The following NUTM2G variants were observed in gnomAD, a reference collection of about 807,000 sequenced individuals.
NUTM2G encodes family with sequence similarity 22, member G.
NUTM2G carries 29 observed loss-of-function variants against 44.3 expected under a neutral mutation model. The ratio of observed to expected loss-of-function variants is 0.66; its 90% CI spans 0.49 to 0.89. The LOEUF (loss-of-function observed/expected upper bound fraction) is 0.89, where lower values mean the gene tolerates loss of function less well. NUTM2G is among the 40% of genes least tolerant of loss of function. The pLI is 0.00. For missense variants in NUTM2G, 502 were observed against 946.5 expected (o/e 0.53, Z 6.16); for synonymous variants, 205 against 395.9 (o/e 0.52, Z 5.72).
At chr9:96,929,735 C>T (rs201430891) in intron 1 of NUTM2G, among the ~76,000 whole-genome samples, 5,320 of 151,544 alleles carry the variant, frequency 0.035, 272 homozygotes, top group East Asian at 0.32. Context: ...GAATTGTTTG[C>T]CCTTTGGTGG....
intron 3 of NUTM2G, among the ~76,000 whole-genome samples, 197 bp downstream of exon 3, chr9:96,935,653 G>A (rs1265511731): frequency 2.0e-5 from 3 of 152,182 alleles, no homozygotes; most frequent in African/African-American, 7.2e-5. Flanking sequence ...CGCCCTCTTG[G>A]GAAGCACCCC....
chr9:96,930,894 TTTTTTTTTTTTTTTTTTTG>T (rs1826223104), intron 1 of NUTM2G, among the ~76,000 whole-genome samples: 12 of 83,612 alleles, frequency 1.4e-4, no homozygotes, highest in African/African-American at 6.6e-4. Context: ...TTTTTTTTTT[TTTTTTTTTTTTTTTTTTTG>T]AGACGGAGTC....
At chr9:96,936,317 C>G in intron 3 of NUTM2G, 108 bp from the exon 4 acceptor site, 1 of 1,530,580 alleles carries the variant, frequency 6.5e-7, no homozygotes, top group South Asian at 1.2e-5. Flanking sequence ...AGGGCCTAGA[C>G]AGCCCGCCGG....
chr9:96,932,501 A>C (rs1272293312), intron 2 of NUTM2G, 83 bp downstream of exon 2: 42 of 1,195,888 alleles, frequency 3.5e-5, no homozygotes, highest in Non-Finnish European at 5.1e-5. Context: ...CACACTGTTC[A>C]GGGGAGCTTG....
At chr9:96,936,830 G>A (rs1184981674) in intron 4 of NUTM2G, among the ~76,000 whole-genome samples, 1 of 152,226 alleles carries the variant, frequency 6.6e-6, no homozygotes, top group African/African-American at 2.4e-5. Context: ...GCTCTGCCCA[G>A]GAAGCAGAGA....
rs1007650918 is a variant in NUTM2G at position 96,938,868 on chromosome 9, C to A, written c.1945C>A (p.Leu649Ile). 6.4e-7 allele frequency: 1 copy of A among 1,565,896 alleles called. No individual in the cohort carries two copies. The highest frequency in any genetic ancestry group is 8.6e-7 in the Non-Finnish European group (1 of 1,163,162). ...CCAGAGCCCTGTCCCTTCCTCGGGC[C>A]TTCTCAGCCCAGGAGGGAGAGGACC... is the stretch of plus-strand genomic sequence containing the variant. ...LSQSPVPSSG[L>I]LSPGGRGPQG... is the part of the protein sequence containing the mutation. The change falls in exon 7 of 7, where the codon CTT (leucine) becomes ATT (isoleucine). Residue 649 changes from leucine (L) to isoleucine (I), a missense_variant. Coordinates refer to ENST00000372322, the MANE Select transcript of NUTM2G (RefSeq NM_001170741.3).
chr9:96,937,562 GTGTT>G (rs989031227), intron 5 of NUTM2G, among the ~76,000 whole-genome samples, 158 bp downstream of exon 5: 5 of 151,826 alleles, frequency 3.3e-5, no homozygotes, highest in Admixed American at 6.6e-5. Context: ...GTGTTGCTGT[GTGTT>G]TGTGTCTGTG....
In NUTM2G at chr9:96,931,708, C is replaced by A. The variant is rs890243869; in HGVS notation, c.17-14C>A. 1.2e-6 allele frequency: 2 copies of A among 1,611,330 alleles called. No homozygotes were observed. The highest frequency in any genetic ancestry group is 1.7e-6 in the Non-Finnish European group (2 of 1,179,716). ...AGACGCCAGCTCATTCACCTCTTTC[C>A]TTTGTCTCCACAGCATACCCAGTGC... On this transcript the variant is annotated splice_polypyrimidine_tract_variant and intron_variant, in intron 1 of 6. Coordinates refer to ENST00000372322, the MANE Select transcript of NUTM2G (RefSeq NM_001170741.3).
At chr9:96,942,548 T>C (rs1826620536), downstream of NUTM2G, 1 of 105,602 alleles carries the variant, frequency 9.5e-6, no homozygotes, top group South Asian at 3.7e-4. Context: ...GTCTGCACAC[T>C]TGTGCCCTTT....
At chr9:96,933,274 G>A (rs867396272) in intron 2 of NUTM2G, among the ~76,000 whole-genome samples, 3 of 150,818 alleles carry the variant, frequency 2.0e-5, no homozygotes, top group Middle Eastern at 3.3e-3. Context: ...CACCGTGCCC[G>A]GCTTTTACTT....
At chr9:96,935,542 G>C in intron 3 of NUTM2G, 86 bp downstream of exon 3, 1 of 1,610,516 alleles carries the variant, frequency 6.2e-7, no homozygotes, top group Non-Finnish European at 8.5e-7. Context: ...GCTTCTCAGC[G>C]TGGAGCATGA....
At chr9:96,929,132 G>A (rs1237540596) in intron 1 of NUTM2G, 92 bp downstream of exon 1, 3 of 1,575,864 alleles carry the variant, frequency 1.9e-6, no homozygotes, top group Non-Finnish European at 2.6e-6. Context: ...ACAGCTTATA[G>A]GGCTGATGTT....
chr9:96,930,989 G>A (rs1270613040), intron 1 of NUTM2G, among the ~76,000 whole-genome samples: 2 of 142,132 alleles, frequency 1.4e-5, no homozygotes, highest in Non-Finnish European at 3.0e-5. Context: ...CTGCCTCCTC[G>A]GTTCAAGCAA....
Position 96,931,902 on chromosome 9 carries a change from C to A in NUTM2G, c.197C>A (p.Ala66Glu), listed in dbSNP as rs553399635. The change falls in exon 2 of 7, where the codon GCA (alanine) becomes GAA (glutamate). Residue 66 changes from alanine to glutamate, a missense_variant. Coordinates refer to ENST00000372322, the MANE Select transcript of NUTM2G (RefSeq NM_001170741.3). ...GCCTTCCCCAGCACCCCTCTAGTGG[C>A]AGGACAGGATGGCCGCGGCCCAAGT... is the stretch of plus-strand genomic sequence containing the variant. ...LSAFPSTPLVAGQDGRGPSGA... is the reference protein window; with the variant it reads ...LSAFPSTPLVEGQDGRGPSGA... 6.2e-6 allele frequency: 10 copies of A among 1,612,272 alleles called. No individual in the cohort carries two copies. The East Asian group carries it at 2.0e-4, about 32-fold the overall frequency.
downstream of NUTM2G, among the ~76,000 whole-genome samples, chr9:96,940,614 A>C (rs1311969373): frequency 5.9e-5 from 9 of 151,762 alleles, no homozygotes; most frequent in African/African-American, 2.2e-4. Flanking sequence ...TTGTTGGCTC[A>C]GGACCGCTGT....
downstream of NUTM2G, among the ~76,000 whole-genome samples, chr9:96,940,411 C>G (rs1388803154): frequency 4.0e-5 from 6 of 149,992 alleles, no homozygotes; most frequent in Non-Finnish European, 7.4e-5. Context: ...CTGCTTTTTC[C>G]CAGGTTGTCC....
At chr9:96,932,603 G>A (rs1014709612) in intron 2 of NUTM2G, among the ~76,000 whole-genome samples, 185 bp downstream of exon 2, 2 of 152,118 alleles carry the variant, frequency 1.3e-5, no homozygotes, top group African/African-American at 4.8e-5. Context: ...ACTGTCAGGG[G>A]CCTCATGTCA....
intron 4 of NUTM2G, 139 bp downstream of exon 4, chr9:96,936,703 G>C: frequency 3.5e-6 from 5 of 1,435,808 alleles, no homozygotes; most frequent in Admixed American, 2.6e-5. Context: ...ACTGTATGTT[G>C]GGTATTGACC....
At chr9:96,930,872 G>C (rs866187604) in intron 1 of NUTM2G, among the ~76,000 whole-genome samples, 2 of 72,656 alleles carry the variant, frequency 2.8e-5, no homozygotes, top group Admixed American at 2.0e-4. Context: ...CCATCCAGTG[G>C]TTTTTTTTTT....
Sources: gnomAD v4.1 joint callset for allele counts (sites outside exome capture counted in the v4.1 genomes callset) on GRCh38, gnomAD v4.1.1 for gene constraint, MANE v1.5 for transcripts, NCBI Gene and HGNC (gene_info 2026-07-23, HGNC 2026-07-21) for gene names.